The following DIS3L2 variants were observed in gnomAD, a reference collection of about 807,000 sequenced individuals.
DIS3L2 encodes the protein DIS3 like 3'-5' exoribonuclease 2.
DIS3L2 carries 34 observed loss-of-function variants against 97.5 expected under a neutral mutation model. That is an observed-to-expected ratio of 0.35 (90% confidence interval 0.27 to 0.46). DIS3L2 has a LOEUF of 0.46. Among genes scored for constraint, DIS3L2 ranks in the 20% least tolerant of loss-of-function variants. The pLI is 1.00. For missense variants in DIS3L2, 1,038 were observed against 1,146.0 expected (o/e 0.91, Z 1.36); for synonymous variants, 435 against 445.2 (o/e 0.98, Z 0.29).
At chr2:232,044,342 A>T (rs1376129653) in intron 5 of DIS3L2, among the ~76,000 whole-genome samples, 3 of 152,330 alleles carry the variant, frequency 2.0e-5, no homozygotes, top group Admixed American at 6.5e-5. Flanking sequence ...ATGAAGTCAC[A>T]GTGCCCATGT....
At chr2:232,343,587 G>GA (rs1696162643) in exon 14 of DIS3L2, 1 of 1,575,554 alleles carries the variant, frequency 6.3e-7, no homozygotes. Flanking sequence ...GAAGCATGTG[G>GA]AATTCCTTGT....
At chr2:232,019,557 CTTT>C (rs11301026) in intron 3 of DIS3L2, among the ~76,000 whole-genome samples, 17 of 139,726 alleles carry the variant, frequency 1.2e-4, no homozygotes, top group Admixed American at 2.1e-4. Flanking sequence ...GTCTCTCTCT[CTTT>C]TTTTTTTTTT....
intron 11 of DIS3L2, among the ~76,000 whole-genome samples, chr2:232,240,726 G>A (rs761826330): frequency 7.9e-5 from 12 of 152,168 alleles, no homozygotes; most frequent in Non-Finnish European, 1.3e-4. Flanking sequence ...GGTATAGGCA[G>A]CTTAAGAGAA....
intron 3 of DIS3L2, among the ~76,000 whole-genome samples, chr2:232,019,145 T>C: frequency 6.6e-6 from 1 of 152,082 alleles, no homozygotes; most frequent in East Asian, 1.9e-4. Flanking sequence ...GATGTCGGAG[T>C]TCCTCTTAGA....
At chr2:232,128,881 G>T (rs1244236042) in intron 6 of DIS3L2, among the ~76,000 whole-genome samples, 1 of 152,148 alleles carries the variant, frequency 6.6e-6, no homozygotes, top group Non-Finnish European at 1.5e-5. Flanking sequence ...TCACCTGTAA[G>T]GCTTTAAACC....
At chr2:232,333,239 T>TCCTCCTCCTCCTCCGCTGTCG (rs2106352503) in intron 16 of DIS3L2, among the ~76,000 whole-genome samples, 1 of 61,680 alleles carries the variant, frequency 1.6e-5, no homozygotes, top group East Asian at 5.0e-4. Context: ...CTCCTCCTCC[T>TCCTCCTCCTCCTCCGCTGTCG]CCTCCTCCTC....
intron 9 of DIS3L2, among the ~76,000 whole-genome samples, chr2:232,176,201 A>T (rs1691146992): frequency 6.6e-6 from 1 of 152,092 alleles, no homozygotes; most frequent in Admixed American, 6.6e-5. Flanking sequence ...TCTTCCTAGA[A>T]CTTTGTCTTT....
At chr2:231,993,486 T>A (rs1383175499) in intron 1 of DIS3L2, among the ~76,000 whole-genome samples, 1 of 151,870 alleles carries the variant, frequency 6.6e-6, no homozygotes, top group East Asian at 1.9e-4. Context: ...AGTGCTGGGA[T>A]TACAAGTGTG....
At chr2:232,300,196 T>TCAGTG in intron 14 of DIS3L2, 77 bp downstream of exon 14, 1 of 1,373,802 alleles carries the variant, frequency 7.3e-7, no homozygotes, top group Non-Finnish European at 1.0e-6. Context: ...GACACTGAGC[T>TCAGTG]TCCATTGCTA....
At chr2:232,253,341 G>A (rs1382481341) in intron 12 of DIS3L2, among the ~76,000 whole-genome samples, 1 of 152,218 alleles carries the variant, frequency 6.6e-6, no homozygotes, top group Non-Finnish European at 1.5e-5. Context: ...ACGTGGAAAG[G>A]ACAAACACTG....
At chr2:232,308,022 A>G (rs1466563801) in intron 14 of DIS3L2, among the ~76,000 whole-genome samples, 1 of 152,168 alleles carries the variant, frequency 6.6e-6, no homozygotes, top group East Asian at 1.9e-4. Context: ...CTGCTTGGGA[A>G]GGCTGTCTGG....
intron 6 of DIS3L2, among the ~76,000 whole-genome samples, chr2:232,103,048 T>C (rs1044469501): frequency 6.6e-6 from 1 of 152,188 alleles, no homozygotes; most frequent in Non-Finnish European, 1.5e-5. Flanking sequence ...TAATGAAGCC[T>C]TCAAGTAATT....
chr2:232,270,910 CTCTCT>C (rs1329627007), intron 13 of DIS3L2, among the ~76,000 whole-genome samples: 6 of 127,940 alleles, frequency 4.7e-5, no homozygotes, highest in East Asian at 2.0e-4. Context: ...CTCTCTCTCT[CTCTCT>C]GTCTCGTCTC....
Position 232,030,040 on chromosome 2 carries a change from A to T in DIS3L2, c.326A>T (p.Asp109Val), listed in dbSNP as rs750103678. Residue 109 changes from aspartate (D) to valine (V), a missense_variant, in exon 5 of 21, where the codon GAT becomes GTT. Physicochemically the swap from Asp to Val is radical, Grantham distance 152. Transcript: ENST00000325385. ...VVARNRALNG[D>V]LVVVKLLPEE... ...GCTCGTAATAGAGCCTTAAATGGGG[A>T]TCTGGTGGTCGTGAAACTGCTTCCC... is the stretch of plus-strand genomic sequence containing the variant. The T allele has an allele frequency of 6.2e-7, 1 of 1,611,220 alleles. No homozygotes were observed. The highest frequency in any genetic ancestry group is 8.5e-7 in the Non-Finnish European group (1 of 1,178,992).
At chr2:232,117,717 A>T (rs1392290250) in intron 6 of DIS3L2, among the ~76,000 whole-genome samples, 1 of 151,578 alleles carries the variant, frequency 6.6e-6, no homozygotes, top group Non-Finnish European at 1.5e-5. Flanking sequence ...GTTCCTGAGC[A>T]CTCCCTTTCC....
chr2:232,321,463 T>C (rs1300732191), intron 14 of DIS3L2, among the ~76,000 whole-genome samples: 1 of 152,124 alleles, frequency 6.6e-6, no homozygotes. Flanking sequence ...GGCCAAGGCA[T>C]CTGAGGGGCA....
chr2:232,336,175 T>A (rs1381452441), intron 20 of DIS3L2: 5 of 1,534,558 alleles, frequency 3.3e-6, no homozygotes, highest in Non-Finnish European at 4.4e-6. Flanking sequence ...GCTATGAGTT[T>A]ACACCCAAGA....
chr2:232,072,940 T>G (rs1696077726), intron 5 of DIS3L2, among the ~76,000 whole-genome samples: 1 of 152,062 alleles, frequency 6.6e-6, no homozygotes, highest in African/African-American at 2.4e-5. Flanking sequence ...GAGAGATTGT[T>G]CATTCTTTGG....
At position 232,276,749 on chromosome 2, in the gene DIS3L2, GTGTGACTCTAACTCTTC is replaced by G. The variant is rs1694152634; in HGVS notation, c.1659+13314_1659+13330del. On this transcript the variant is annotated intron_variant, in intron 13 of 20. Transcript: ENST00000325385. The surrounding 1 kb of genome is among the most constrained non-coding windows in gnomAD (Gnocchi z 4.4). Reference sequence around the variant, plus strand: ...CTGATCCCGACTCCCTCACTTAGCTGTGTGACTCTAACTCTTCTGTGCCTCAGTTTCCTTGTCAGTGA... The same window carrying G: ...CTGATCCCGACTCCCTCACTTAGCTGTGTGCCTCAGTTTCCTTGTCAGTGA... Among the ~76,000 whole-genome samples the G allele has an allele frequency of 6.6e-6, 1 of 152,234 alleles. No homozygotes were observed. Among genetic ancestry groups the G allele is most frequent in the Non-Finnish European group, 1.5e-5 (1 of 68,038 alleles).
Sources: allele counts gnomAD v4.1 joint callset (sites outside exome capture counted in the v4.1 genomes callset), GRCh38; gene constraint gnomAD v4.1.1; non-coding constraint Gnocchi (gnomAD v3.1); transcripts MANE v1.5; gene names NCBI Gene and HGNC (gene_info 2026-07-23, HGNC 2026-07-21).